Variants in TMTC2 observed in about 807,000 individuals in gnomAD.
TMTC2 encodes the protein transmembrane O-mannosyltransferase targeting cadherins 2, also known as protein O-mannosyl-transferase TMTC2.
A neutral mutation model predicts 82.4 loss-of-function variants in TMTC2; 43 were observed. The ratio of observed to expected loss-of-function variants is 0.52; its 90% CI spans 0.41 to 0.67. The LOEUF is 0.67. Among genes scored for constraint, TMTC2 ranks in the 30% least tolerant of loss-of-function variants. TMTC2 has a pLI of 0.00. For missense variants in TMTC2, 919 were observed against 1,012.4 expected, an observed-to-expected ratio of 0.91 and a Z score of 1.25; for synonymous variants, 408 against 381.9, an observed-to-expected ratio of 1.07 and a Z score of -0.80.
chr12:82,967,204 C>T (rs1462284857), intron 7 of TMTC2, among the ~76,000 whole-genome samples: 1 of 152,004 alleles, frequency 6.6e-6, no homozygotes, highest in African/African-American at 2.4e-5. Context: ...TTCCCAACAC[C>T]TTGGTCATAT....
chr12:83,123,882 G>T (rs561707028), intron 11 of TMTC2, among the ~76,000 whole-genome samples: 2 of 152,086 alleles, frequency 1.3e-5, no homozygotes, highest in South Asian at 2.1e-4. Flanking sequence ...TCTTATACCC[G>T]TAAGGAAATA....
At chr12:82,737,063 T>C (rs1269503482) in intron 1 of TMTC2, among the ~76,000 whole-genome samples, 3 of 152,298 alleles carry the variant, frequency 2.0e-5, no homozygotes, top group East Asian at 3.9e-4. Context: ...GGAGATAGTA[T>C]TAATCAATCT....
At chr12:82,964,484 G>A (rs1387445074) in intron 4 of TMTC2, among the ~76,000 whole-genome samples, 2 of 152,070 alleles carry the variant, frequency 1.3e-5, no homozygotes, top group African/African-American at 2.4e-5. Flanking sequence ...GATGTTGATA[G>A]CCTTCAGTCT....
intron 1 of TMTC2, among the ~76,000 whole-genome samples, chr12:82,797,591 A>G (rs1878782834): frequency 6.6e-6 from 1 of 152,158 alleles, no homozygotes; most frequent in South Asian, 2.1e-4. Context: ...AGTCACCTCA[A>G]AAGCGTATAA....
At chr12:82,779,993 G>T (rs369442318) in intron 1 of TMTC2, among the ~76,000 whole-genome samples, 2 of 151,722 alleles carry the variant, frequency 1.3e-5, no homozygotes, top group African/African-American at 4.9e-5. Context: ...AAGAGTAGGG[G>T]CTGTCCCTTA....
intron 1 of TMTC2, among the ~76,000 whole-genome samples, chr12:82,855,599 G>A (rs1464773796): frequency 2.6e-5 from 4 of 152,092 alleles, no homozygotes; most frequent in African/African-American, 9.7e-5. Flanking sequence ...TATATGTTCT[G>A]TAAATACAGA....
chr12:82,965,203 T>C, intron 5 of TMTC2, 94 bp downstream of exon 5: 1 of 933,224 alleles, frequency 1.1e-6, no homozygotes, highest in East Asian at 2.4e-5. Context: ...CACTTGGTGC[T>C]CTTATTTCTG....
chr12:82,942,481 T>G (rs1876775919), intron 4 of TMTC2, among the ~76,000 whole-genome samples: 1 of 152,204 alleles, frequency 6.6e-6, no homozygotes, highest in Non-Finnish European at 1.5e-5. Flanking sequence ...TACTATCATA[T>G]TTTTCTGTAG....
chr12:82,837,443 A>G (rs1592562593), intron 1 of TMTC2, among the ~76,000 whole-genome samples: 1 of 152,192 alleles, frequency 6.6e-6, no homozygotes, highest in African/African-American at 2.4e-5. Flanking sequence ...CCCTGTCTCT[A>G]AAAACAAAAC....
At chr12:82,716,361 AT>A (rs750327404) in intron 1 of TMTC2, among the ~76,000 whole-genome samples, 1,944 of 129,022 alleles carry the variant, frequency 0.015, 25 homozygotes, top group African/African-American at 0.048. Context: ...TGTCTGGTAC[AT>A]TTTTTTTTTT....
chr12:82,948,311 G>A (rs1228329551), intron 4 of TMTC2, among the ~76,000 whole-genome samples: 1 of 151,672 alleles, frequency 6.6e-6, no homozygotes, highest in Admixed American at 6.6e-5. Context: ...GCTGCAGTGA[G>A]CCATGCTTAT....
intron 11 of TMTC2, among the ~76,000 whole-genome samples, chr12:83,087,298 A>G (rs12827415): frequency 0.012 from 1,862 of 152,174 alleles, 60 homozygotes; most frequent in East Asian, 0.12. Context: ...TGTTCTTTTT[A>G]CCATTTCTGC....
At chr12:83,037,213 T>C (rs1263249606) in intron 9 of TMTC2, among the ~76,000 whole-genome samples, 1 of 152,192 alleles carries the variant, frequency 6.6e-6, no homozygotes, top group Non-Finnish European at 1.5e-5. Context: ...ATAGGTTTGG[T>C]CTTTCAACAC....
chr12:82,993,269 C>T (rs1440514003), intron 8 of TMTC2, among the ~76,000 whole-genome samples: 1 of 152,104 alleles, frequency 6.6e-6, no homozygotes, highest in Admixed American at 6.6e-5. Flanking sequence ...AGGCGTGAGC[C>T]ACTGCTCCAG....
intron 1 of TMTC2, among the ~76,000 whole-genome samples, chr12:82,753,339 T>C (rs1483773542): frequency 6.6e-6 from 1 of 151,994 alleles, no homozygotes; most frequent in Non-Finnish European, 1.5e-5. Context: ...TTTTTTTTTT[T>C]TTTGAGGAGA....
intron 8 of TMTC2, among the ~76,000 whole-genome samples, chr12:82,997,400 A>ATATATATATGTG (rs1384349592): frequency 2.7e-5 from 1 of 37,176 alleles, no homozygotes; most frequent in African/African-American, 7.0e-5. Flanking sequence ...ATATATGTGT[A>ATATATATATGTG]TATATATATG....
intron 7 of TMTC2, among the ~76,000 whole-genome samples, chr12:82,976,812 T>G (rs1878695741): frequency 6.6e-6 from 1 of 152,100 alleles, no homozygotes; most frequent in South Asian, 2.1e-4. Context: ...CACTGTGAAG[T>G]AAAAAATGAT....
intron 1 of TMTC2, among the ~76,000 whole-genome samples, chr12:82,696,868 C>G (rs1261824980): frequency 3.3e-5 from 5 of 151,696 alleles, no homozygotes; most frequent in African/African-American, 1.2e-4. Flanking sequence ...AAGTGCAGTT[C>G]AAATTCAAAT....
chr12:82,980,751 C>A (rs535590511), intron 7 of TMTC2, among the ~76,000 whole-genome samples: 45 of 151,932 alleles, frequency 3.0e-4, no homozygotes, highest in Admixed American at 2.8e-3. Context: ...AATTTGTTGT[C>A]CGCATGTCAG....
Sources: allele counts gnomAD v4.1 joint callset (sites outside exome capture counted in the v4.1 genomes callset), GRCh38; gene constraint gnomAD v4.1.1; transcripts MANE v1.5; gene names NCBI Gene and HGNC (gene_info 2026-07-23, HGNC 2026-07-21).